The following ABCA13 variants were observed in gnomAD, a reference collection of about 807,000 sequenced individuals.
The protein encoded by ABCA13 is ATP binding cassette subfamily A member 13, also known as ATP-binding cassette sub-family A member 13.
In ABCA13, 476 loss-of-function variants were observed where a neutral mutation model predicts 478.7. The observed-to-expected ratio is 0.99, with a 90% CI of 0.92 to 1.07. ABCA13 has a LOEUF of 1.07. Among genes scored for constraint, ABCA13 ranks in the 50% least tolerant of loss-of-function variants. ABCA13 has a pLI of 0.00. For missense variants in ABCA13, 6,060 were observed against 5,910.6 expected, an observed-to-expected ratio of 1.03 and a Z score of -0.83; for synonymous variants, 2,252 against 2,158.9, an observed-to-expected ratio of 1.04 and a Z score of -1.20.
At chr7:48,356,575 C>T (rs1809957793) in intron 31 of ABCA13, among the ~76,000 whole-genome samples, 1 of 151,718 alleles carries the variant, frequency 6.6e-6, no homozygotes, top group Non-Finnish European at 1.5e-5. Context: ...ACCTGTTTAA[C>T]TCTATTTAAC....
chr7:48,223,851 C>T (rs1366614887), intron 5 of ABCA13, among the ~76,000 whole-genome samples: 2 of 151,174 alleles, frequency 1.3e-5, no homozygotes, highest in African/African-American at 2.4e-5. Context: ...CCCAGCTACT[C>T]GAGAGGCTGA....
intron 58 of ABCA13, among the ~76,000 whole-genome samples, chr7:48,599,581 A>G (rs1790668367): frequency 6.6e-6 from 1 of 152,156 alleles, no homozygotes; most frequent in African/African-American, 2.4e-5. Flanking sequence ...AATTTTGATT[A>G]CATTCAGTTT....
At chr7:48,465,784 A>ATT (rs202010801) in intron 43 of ABCA13, among the ~76,000 whole-genome samples, 1 of 150,692 alleles carries the variant, frequency 6.6e-6, no homozygotes, top group African/African-American at 2.4e-5. Flanking sequence ...ACTAGTACCT[A>ATT]TTTTTTTTTA....
At position 48,314,245 on chromosome 7, in the gene ABCA13, T is replaced by A. The variant is rs1450833333; in HGVS notation, c.9695T>A (p.Val3232Asp). Residue 3232 changes from valine to aspartate, a missense_variant, in exon 26 of 62, where the codon GTC becomes GAC. By Grantham distance (152) the Val-to-Asp change is radical (BLOSUM62 -3). Transcript: ENST00000435803. ...TLDFQQVSQN[V>D]QARSSAFGSF... ...TTATTTTCTCAGGTTTCACAAAATG[T>A]CCAGGCCAGAAGTTCAGCTTTTGGT... The A allele has an allele frequency of 6.2e-7, 1 of 1,611,866 alleles. No individual in the cohort carries two copies. The highest frequency in any genetic ancestry group is 1.1e-5 in the South Asian group (1 of 90,060).
At position 48,235,112 on chromosome 7, in the gene ABCA13, G is replaced by T. The variant is rs376677513; in HGVS notation, c.897+961G>T. ...GCCAGCAGACCCTCATGCTGGCTTGGTGTTTGAAAACCCAGTTCTACCAGG... is the reference window on the plus strand; with the variant it reads ...GCCAGCAGACCCTCATGCTGGCTTGTTGTTTGAAAACCCAGTTCTACCAGG... On this transcript the variant is annotated intron_variant, in intron 8 of 61. Transcript: ENST00000435803. Among the ~76,000 whole-genome samples, 34 of 152,290 alleles carry T rather than the reference G, an allele frequency of 2.2e-4. No individual in the cohort carries two copies. In the South Asian group the frequency reaches 6.2e-3, roughly 28 times the overall value.
At chr7:48,228,191 A>G (rs1788518372) in intron 6 of ABCA13, among the ~76,000 whole-genome samples, 1 of 152,190 alleles carries the variant, frequency 6.6e-6, no homozygotes, top group Non-Finnish European at 1.5e-5. Context: ...CCCTTAAGCT[A>G]CAACAAAAAG....
chr7:48,444,655 C>A (rs1286288853), intron 42 of ABCA13, among the ~76,000 whole-genome samples: 1 of 152,100 alleles, frequency 6.6e-6, no homozygotes, highest in African/African-American at 2.4e-5. Context: ...CATTTTGTCC[C>A]TAACTGAGGT....
intron 27 of ABCA13, among the ~76,000 whole-genome samples, chr7:48,321,126 C>T (rs962713210): frequency 2.0e-5 from 3 of 152,148 alleles, no homozygotes; most frequent in African/African-American, 7.2e-5. Flanking sequence ...TTTTACCCAA[C>T]TGGGCACATG....
chr7:48,586,006 C>T (rs916263727), intron 56 of ABCA13, among the ~76,000 whole-genome samples: 1 of 152,078 alleles, frequency 6.6e-6, no homozygotes, highest in Non-Finnish European at 1.5e-5. Flanking sequence ...TCTATAGACA[C>T]ATATAATACA....
At position 48,361,761 on chromosome 7, in the gene ABCA13, C is replaced by T. The variant is rs185894221; in HGVS notation, c.10689-6033C>T. 7.9e-5 allele frequency among the ~76,000 whole-genome samples: 12 copies of T among 151,764 alleles called. No individual in the cohort carries two copies. In the South Asian group the frequency reaches 8.3e-4, roughly 10 times the overall value. On this transcript the variant is annotated intron_variant, in intron 31 of 61. Coordinates refer to ENST00000435803, the MANE Select transcript of ABCA13 (RefSeq NM_152701.5). Reference sequence around the variant, plus strand: ...TATTGTTTTCTAGATGCATGCAGTACAGGTTTCTATTTTCTCTTTGACCCA... The same window carrying T: ...TATTGTTTTCTAGATGCATGCAGTATAGGTTTCTATTTTCTCTTTGACCCA...
At chr7:48,443,486 T>C (rs1031090593) in intron 42 of ABCA13, among the ~76,000 whole-genome samples, 40 of 152,338 alleles carry the variant, frequency 2.6e-4, no homozygotes, top group African/African-American at 9.1e-4. Context: ...TCAGCTCTTC[T>C]GAGTAGTTAT....
rs545188834 is a variant in ABCA13 at position 48,406,875 on chromosome 7, A to AAAAT, written c.12070+3016_12070+3019dup. On this transcript the variant is annotated intron_variant, in intron 39 of 61. Transcript: ENST00000435803. ...GTGACAGAGCAAGGCTCCATCTCAAAAAATAAATAAATAAATAAATAAAAA... is the reference window on the plus strand; with the variant it reads ...GTGACAGAGCAAGGCTCCATCTCAAAAAATAAATAAATAAATAAATAAATAAAAA... 7.3e-3 allele frequency among the ~76,000 whole-genome samples: 1,113 copies of AAAAT among 151,878 alleles called. 9 individuals carry two copies. The highest frequency in any genetic ancestry group is 0.014 in the Middle Eastern group (4 of 290).
intron 58 of ABCA13, among the ~76,000 whole-genome samples, chr7:48,595,141 G>A (rs1790155215): frequency 6.6e-6 from 1 of 152,172 alleles, no homozygotes; most frequent in African/African-American, 2.4e-5. Context: ...CTTCCTGAGG[G>A]ATCTTTCAGA....
chr7:48,236,607 A>T (rs1170308168), intron 8 of ABCA13, among the ~76,000 whole-genome samples: 1 of 152,182 alleles, frequency 6.6e-6, no homozygotes, highest in African/African-American at 2.4e-5. Flanking sequence ...AGTTCTTCTC[A>T]TATCCCATCA....
chr7:48,368,776 TACAC>T (rs4024053), intron 32 of ABCA13, among the ~76,000 whole-genome samples: 3,685 of 143,466 alleles, frequency 0.026, 54 homozygotes, highest in African/African-American at 0.041. Flanking sequence ...CATATACATA[TACAC>T]ACACACACAC....
intron 55 of ABCA13, among the ~76,000 whole-genome samples, chr7:48,578,965 A>G (rs1363677894): frequency 6.6e-6 from 1 of 152,246 alleles, no homozygotes; most frequent in Non-Finnish European, 1.5e-5. Flanking sequence ...CACTTAACTT[A>G]TACCTGTGAC....
chr7:48,345,849 G>T (rs950161396), intron 29 of ABCA13, among the ~76,000 whole-genome samples: 6 of 152,168 alleles, frequency 3.9e-5, no homozygotes, highest in Admixed American at 2.6e-4. Context: ...CCTCATCAGA[G>T]CAACTTCCAG....
chr7:48,498,569 C>A (rs1459497238), intron 48 of ABCA13, among the ~76,000 whole-genome samples: 1 of 152,008 alleles, frequency 6.6e-6, no homozygotes, highest in Non-Finnish European at 1.5e-5. Flanking sequence ...TCTAGGAGGA[C>A]TATCTCTGAC....
chr7:48,291,726 G>T (rs1049652707), intron 20 of ABCA13, among the ~76,000 whole-genome samples: 1 of 152,122 alleles, frequency 6.6e-6, no homozygotes, highest in Non-Finnish European at 1.5e-5. Flanking sequence ...TCACAACTTT[G>T]TTACGTAAAA....
Sources: gnomAD v4.1 joint callset for allele counts (sites outside exome capture counted in the v4.1 genomes callset) on GRCh38, gnomAD v4.1.1 for gene constraint, MANE v1.5 for transcripts, NCBI Gene and HGNC (gene_info 2026-07-23, HGNC 2026-07-21) for gene names.